The following ERCC6 variants were observed in gnomAD, a reference collection of about 807,000 sequenced individuals.
ERCC6 encodes the protein DNA excision repair protein ERCC-6.
In ERCC6, 116 loss-of-function variants were observed where a neutral mutation model predicts 158.7. The observed-to-expected ratio is 0.73, with a 90% CI of 0.63 to 0.85. The LOEUF (loss-of-function observed/expected upper bound fraction) is 0.85, where lower values mean the gene tolerates loss of function less well. ERCC6 is among the 40% of genes least tolerant of loss of function. The probability of loss-of-function intolerance (pLI) is 0.00; values close to 1 mark genes in which losing one functional copy is unlikely to be tolerated. For missense variants in ERCC6, 1,698 were observed against 1,799.4 expected, an observed-to-expected ratio of 0.94 and a Z score of 1.02; for synonymous variants, 678 against 659.3, an observed-to-expected ratio of 1.03 and a Z score of -0.43.
At chr10:49,470,027 A>T (rs1590405066) in intron 18 of ERCC6, among the ~76,000 whole-genome samples, 155 bp downstream of exon 18, 2 of 152,336 alleles carry the variant, frequency 1.3e-5, no homozygotes, top group East Asian at 3.9e-4. Flanking sequence ...TACGATTTTT[A>T]AAATGTCAAT....
chr10:49,498,471 G>A (rs991708133), intron 7 of ERCC6, among the ~76,000 whole-genome samples: 1 of 152,162 alleles, frequency 6.6e-6, no homozygotes, highest in African/African-American at 2.4e-5. Flanking sequence ...GGAAGATGTG[G>A]TCCAGTCCGC....
intron 5 of ERCC6, chr10:49,515,993 T>G: frequency 6.2e-7 from 1 of 1,614,210 alleles, no homozygotes; most frequent in Non-Finnish European, 8.5e-7. Context: ...CCTTTCTCAC[T>G]GTACCTGTTG....
intron 5 of ERCC6, among the ~76,000 whole-genome samples, chr10:49,513,803 G>C (rs1006388719): frequency 6.6e-6 from 1 of 152,056 alleles, no homozygotes; most frequent in Admixed American, 6.6e-5. Flanking sequence ...TGAGATTTGG[G>C]TGGGGACAGA....
chr10:49,506,001 T>G lies in ERCC6; in HGVS notation c.1409A>C (p.Lys470Thr). Reference sequence around the variant, plus strand: ...TTTCTCTTTGTCCTGCAGTCTCAGTTTATTCCATCTCCTACCATGAAAATA... The same window carrying G: ...TTTCTCTTTGTCCTGCAGTCTCAGTGTATTCCATCTCCTACCATGAAAATA... ...YYKQRLRRWNKLRLQDKEKRL... is the reference protein window; with the variant it reads ...YYKQRLRRWNTLRLQDKEKRL... Residue 470 changes from lysine to threonine, a missense_variant, in exon 6 of 21, where the codon AAA becomes ACA. Physicochemically the swap from Lys to Thr is moderately conservative, Grantham distance 78. Transcript: ENST00000355832. The G allele has an allele frequency of 6.2e-7, 1 of 1,613,276 alleles. No homozygotes were observed. Among genetic ancestry groups the G allele is most frequent in the South Asian group, 1.1e-5 (1 of 91,064 alleles).
chr10:49,483,422 T>C lies in ERCC6; in HGVS notation c.1916A>G (p.Asp639Gly), dbSNP rs367546930. Residue 639 changes from aspartate (D) to glycine (G), a missense_variant, in exon 9 of 21, where the codon GAC (aspartate) becomes GGC (glycine). By Grantham distance (94) the Asp-to-Gly change is moderately conservative. Transcript: ENST00000355832. ...TTCGTCCAAGATCACATAGTGCCAG[T>C]CATACCTGCTAATGTCATCCTGCAT... is the stretch of plus-strand genomic sequence containing the variant. Reference protein sequence around the residue: ...RLMQDDISRYDWHYVILDEGH... With the variant: ...RLMQDDISRYGWHYVILDEGH... 1.3e-5 allele frequency: 21 copies of C among 1,614,066 alleles called. No individual in the cohort carries two copies. The highest frequency in any genetic ancestry group is 3.3e-5 in the Admixed American group (2 of 60,012).
chr10:49,522,329 A>C (rs111696205), intron 5 of ERCC6, among the ~76,000 whole-genome samples: 124 of 152,170 alleles, frequency 8.1e-4, no homozygotes, highest in Non-Finnish European at 1.3e-3. Flanking sequence ...CATCCCCCAA[A>C]CCAAACAGCA....
At chr10:49,463,982 G>A (rs1015655483) in intron 18 of ERCC6, among the ~76,000 whole-genome samples, 4 of 152,162 alleles carry the variant, frequency 2.6e-5, no homozygotes, top group Admixed American at 1.3e-4. Context: ...GGGGAGGTGC[G>A]CTCCTGAAAA....
intron 5 of ERCC6, among the ~76,000 whole-genome samples, chr10:49,521,538 G>GA (rs1333813743): frequency 6.6e-6 from 1 of 152,158 alleles, no homozygotes; most frequent in Non-Finnish European, 1.5e-5. Context: ...AAAGTAAAAT[G>GA]AAAAAATAAT....
Position 49,475,386 on chromosome 10 carries a change from T to C in ERCC6, c.2382+829A>G, listed in dbSNP as rs186532065. The stretch of plus-strand genomic sequence containing the variant: ...GAAAATTTACAATTCCAAGTGTAGT[T>C]TGCATTCCCTTTCCTGGATAGTGTG... On this transcript the variant is annotated intron_variant, in intron 12 of 20. Transcript: ENST00000355832. 1.7e-4 allele frequency: 75 copies of C among 446,222 alleles called. No homozygotes were observed. The East Asian group carries it at 4.3e-3, about 25-fold the overall frequency. The allele number at this position is 446,222 out of a possible 1,614,324, so 27.6% of individuals were successfully genotyped here.
chr10:49,526,203 A>G (rs184816494), intron 4 of ERCC6, among the ~76,000 whole-genome samples: 5 of 142,776 alleles, frequency 3.5e-5, no homozygotes, highest in African/African-American at 1.3e-4. Context: ...CAGTTTTCCA[A>G]AGTGTTACGT....
At chr10:49,515,511 T>C (rs1283932976) in intron 5 of ERCC6, 3 of 1,614,186 alleles carry the variant, frequency 1.9e-6, no homozygotes, top group Non-Finnish European at 2.5e-6. Flanking sequence ...TCTTCCTTTT[T>C]GGCCAGGTTC....
chr10:49,482,813 G>T lies in ERCC6; in HGVS notation c.2043C>A (p.Asn681Lys), dbSNP rs1165952833. ...IILSGSPMQNNLRELWSLFDF... is the reference protein window; with the variant it reads ...IILSGSPMQNKLRELWSLFDF... ...CAAAGAGCGACCACAGCTCTCGGAG[G>T]TTATTTTGCATCGGTGAGCCAGACA... Residue 681 changes from asparagine to lysine, a missense_variant, in exon 10 of 21, where the codon AAC becomes AAA. Asn to Lys is a moderately conservative substitution (Grantham distance 94). Transcript: ENST00000355832. 5 of 1,614,110 alleles carry T rather than the reference G, an allele frequency of 3.1e-6. No individual in the cohort carries two copies. The highest frequency in any genetic ancestry group is 4.2e-6 in the Non-Finnish European group (5 of 1,180,014).
chr10:49,509,713 G>C (rs1851502749), intron 5 of ERCC6, among the ~76,000 whole-genome samples: 1 of 152,126 alleles, frequency 6.6e-6, no homozygotes, highest in African/African-American at 2.4e-5. Flanking sequence ...TTAAAAATTA[G>C]AAATGACCTC....
intron 7 of ERCC6, among the ~76,000 whole-genome samples, chr10:49,499,441 G>A (rs910196605): frequency 2.0e-5 from 3 of 152,130 alleles, no homozygotes; most frequent in East Asian, 1.9e-4. Context: ...TAAGCATTTC[G>A]CTGCTGATGA....
chr10:49,536,170 G>T (rs190224481), intron 1 of ERCC6, among the ~76,000 whole-genome samples: 1 of 152,298 alleles, frequency 6.6e-6, no homozygotes, highest in East Asian at 1.9e-4. Flanking sequence ...AGACTGTAGT[G>T]GTTGAAATGT....
At chr10:49,474,343 G>A in intron 12 of ERCC6, 101 bp from the exon 13 acceptor site, 1 of 862,632 alleles carries the variant, frequency 1.2e-6, no homozygotes, top group Non-Finnish European at 1.9e-6. Context: ...CTAAAAAACA[G>A]TTCTCCACCA....
chr10:49,516,978 T>G, intron 5 of ERCC6: 1 of 1,614,068 alleles, frequency 6.2e-7, no homozygotes. Context: ...TGTTCCACCT[T>G]CTTCATCTCC....
chr10:49,453,643 C>A (rs1465342556), downstream of ERCC6, among the ~76,000 whole-genome samples: 1 of 152,134 alleles, frequency 6.6e-6, no homozygotes, highest in African/African-American at 2.4e-5. Flanking sequence ...GCCTAAAGAA[C>A]TTCATTTAAT....
chr10:49,500,072 A>C (rs538814325), intron 7 of ERCC6, among the ~76,000 whole-genome samples: 1 of 152,152 alleles, frequency 6.6e-6, no homozygotes, highest in Non-Finnish European at 1.5e-5. Flanking sequence ...CAAAGCTCCA[A>C]CTCTCCCCAT....
Sources: gnomAD v4.1 joint callset for allele counts (sites outside exome capture counted in the v4.1 genomes callset) on GRCh38, gnomAD v4.1.1 for gene constraint, MANE v1.5 for transcripts, NCBI Gene and HGNC (gene_info 2026-07-23, HGNC 2026-07-21) for gene names.